The following DAB1 variants were observed in gnomAD, a reference collection of about 807,000 sequenced individuals.
DAB1 encodes the protein DAB adaptor protein 1, also known as disabled homolog 1.
DAB1 carries 15 observed loss-of-function variants against 64.6 expected under a neutral mutation model. The ratio of observed to expected loss-of-function variants is 0.23; its 90% confidence interval spans 0.16 to 0.36. The LOEUF is 0.36. Among genes scored for constraint, DAB1 ranks in the 10% least tolerant of loss-of-function variants. DAB1 has a pLI of 1.00. For synonymous variants in DAB1, 235 were observed against 251.9 expected (o/e 0.93, Z 0.64); for missense variants, 596 against 706.7 (o/e 0.84, Z 1.78).
chr1:58,496,280 C>T (rs777437372), intron 3 of DAB1, among the ~76,000 whole-genome samples: 21 of 152,090 alleles, frequency 1.4e-4, no homozygotes, highest in East Asian at 3.9e-4. Flanking sequence ...CAGCCTCCAC[C>T]GAAAGTTTTA....
chr1:57,163,446 C>A (rs1660945565), intron 2 of DAB1, among the ~76,000 whole-genome samples: 2 of 151,776 alleles, frequency 1.3e-5, no homozygotes, highest in African/African-American at 4.8e-5. Context: ...GCAGAGCAAG[C>A]AAGGGGAAGG....
At chr1:58,013,902 T>C (rs905632639) in intron 5 of DAB1, among the ~76,000 whole-genome samples, 12 of 151,768 alleles carry the variant, frequency 7.9e-5, no homozygotes, top group African/African-American at 2.7e-4. Context: ...TCTTTTTTTT[T>C]TTTTTCTTTT....
intron 1 of DAB1, among the ~76,000 whole-genome samples, chr1:57,353,092 C>T (rs1355438233): frequency 7.1e-6 from 1 of 141,820 alleles, no homozygotes; most frequent in Non-Finnish European, 1.5e-5. Context: ...ACATATTTTC[C>T]ATATATATAT....
intron 7 of DAB1, among the ~76,000 whole-genome samples, chr1:57,634,140 A>C (rs1041699116): frequency 6.6e-6 from 1 of 152,236 alleles, no homozygotes; most frequent in South Asian, 2.1e-4. Flanking sequence ...CATTTGACAC[A>C]CTTTAAGGTC....
At chr1:58,090,149 C>T (rs1557645621) in intron 5 of DAB1, among the ~76,000 whole-genome samples, 1 of 152,132 alleles carries the variant, frequency 6.6e-6, no homozygotes, top group South Asian at 2.1e-4. Flanking sequence ...AGAGGAGGTG[C>T]TTGTATTGAT....
chr1:58,029,574 T>C lies in DAB1; in HGVS notation n.387+120937A>G, dbSNP rs1646942998. Among the ~76,000 whole-genome samples, 10 of 152,328 alleles carry C rather than the reference T, an allele frequency of 6.6e-5. No homozygotes were observed. In the South Asian group the frequency reaches 2.1e-3, roughly 32 times the overall value. On this transcript the variant is annotated intron_variant and non_coding_transcript_variant, in intron 5 of 20. Coordinates refer to the DAB1 transcript ENST00000485760. ...CAAAAGAGGCCAGACTCATCCAACA[T>C]AGAATTTGAAGAATTAACCATCTCT...
intron 2 of DAB1, among the ~76,000 whole-genome samples, chr1:57,274,740 C>T (rs566190627): frequency 9.9e-5 from 15 of 152,228 alleles, no homozygotes; most frequent in African/African-American, 3.1e-4. Context: ...ACCACCACGC[C>T]TGACTAATTT....
At chr1:57,147,911 G>T (rs539775444) in intron 2 of DAB1, among the ~76,000 whole-genome samples, 15 of 152,276 alleles carry the variant, frequency 9.9e-5, no homozygotes, top group Admixed American at 9.8e-4. Context: ...ACTTAGATTT[G>T]TCTCATGTCA....
At chr1:57,896,592 A>G (rs575507158) in intron 5 of DAB1, among the ~76,000 whole-genome samples, 2 of 152,238 alleles carry the variant, frequency 1.3e-5, no homozygotes, top group East Asian at 3.9e-4. Flanking sequence ...CCCCAGCTTC[A>G]CCACCTCTTA....
At chr1:58,476,226 A>G (rs190089634) in intron 3 of DAB1, among the ~76,000 whole-genome samples, 103 of 150,870 alleles carry the variant, frequency 6.8e-4, no homozygotes, top group African/African-American at 2.4e-3. Context: ...AATTAAAATA[A>G]TTTTTTTTTT....
chr1:57,479,351 G>A (rs1365577746), intron 7 of DAB1, among the ~76,000 whole-genome samples: 3 of 151,544 alleles, frequency 2.0e-5, no homozygotes, highest in African/African-American at 7.3e-5. Flanking sequence ...GGGACATAAT[G>A]TATAAGAAAA....
intron 7 of DAB1, among the ~76,000 whole-genome samples, chr1:57,453,316 A>G (rs1686460147): frequency 6.6e-6 from 1 of 152,206 alleles, no homozygotes; most frequent in South Asian, 2.1e-4. Context: ...TTCTGTATTC[A>G]TGTATGAGAA....
chr1:57,812,841 ATTT>A (rs1651691757), intron 6 of DAB1, among the ~76,000 whole-genome samples: 1 of 152,190 alleles, frequency 6.6e-6, no homozygotes, highest in African/African-American at 2.4e-5. Context: ...CACAATCCCT[ATTT>A]TACAGATGAA....
At chr1:58,438,943 A>G (rs1032627328) in intron 3 of DAB1, among the ~76,000 whole-genome samples, 1 of 152,118 alleles carries the variant, frequency 6.6e-6, no homozygotes, top group African/African-American at 2.4e-5. Flanking sequence ...TGGACCTAAG[A>G]CAGTCACTAT....
intron 5 of DAB1, among the ~76,000 whole-genome samples, chr1:57,910,637 G>A (rs1311310790): frequency 6.6e-6 from 1 of 152,190 alleles, no homozygotes; most frequent in Non-Finnish European, 1.5e-5. Context: ...GGAATCACAA[G>A]GCTGTCATTT....
chr1:58,411,431 T>C (rs1043077823), intron 3 of DAB1, among the ~76,000 whole-genome samples: 1 of 152,204 alleles, frequency 6.6e-6, no homozygotes, highest in East Asian at 1.9e-4. Context: ...AAGCCAGTGA[T>C]ATACGCAAGT....
chr1:57,128,881 G>A (rs1273016097), intron 4 of DAB1, among the ~76,000 whole-genome samples: 1 of 152,048 alleles, frequency 6.6e-6, no homozygotes, highest in Non-Finnish European at 1.5e-5. Flanking sequence ...AGATGCCACC[G>A]CCTGGAACTG....
At chr1:57,974,527 A>G (rs1383260267) in intron 5 of DAB1, among the ~76,000 whole-genome samples, 2 of 151,942 alleles carry the variant, frequency 1.3e-5, no homozygotes, top group African/African-American at 4.8e-5. Context: ...GATATATAAT[A>G]CCAATTCCTA....
intron 1 of DAB1, among the ~76,000 whole-genome samples, chr1:57,388,653 T>G (rs776035255): frequency 2.6e-5 from 4 of 152,174 alleles, no homozygotes; most frequent in Non-Finnish European, 5.9e-5. Context: ...CTCTGAAAGC[T>G]CATCTCTCTC....
Sources: allele counts gnomAD v4.1 joint callset (sites outside exome capture counted in the v4.1 genomes callset), GRCh38; gene constraint gnomAD v4.1.1; transcripts MANE v1.5; gene names NCBI Gene and HGNC (gene_info 2026-07-23, HGNC 2026-07-21).